Variants in SLC14A2 observed in about 807,000 individuals in gnomAD.
SLC14A2 encodes the protein urea transporter 2.
Under a neutral mutation model 104.6 loss-of-function variants are expected in SLC14A2, and 91 were observed. The ratio of observed to expected loss-of-function variants is 0.87; its 90% CI spans 0.73 to 1.04. The LOEUF is 1.04. SLC14A2 is among the 50% of genes least tolerant of loss of function. The probability of loss-of-function intolerance (pLI) is 0.00; values close to 1 mark genes in which losing one functional copy is unlikely to be tolerated. For missense variants in SLC14A2, 1,189 were observed against 1,156.0 expected (o/e 1.03, Z -0.41); for synonymous variants, 476 against 466.4 (o/e 1.02, Z -0.27).
chr18:45,628,225 C>G (rs1224526309), intron 4 of SLC14A2, among the ~76,000 whole-genome samples: 1 of 151,826 alleles, frequency 6.6e-6, no homozygotes, highest in Non-Finnish European at 1.5e-5. Context: ...GCGAGTGGAT[C>G]ACAAAGTCAA....
At position 45,673,013 on chromosome 18, in the gene SLC14A2, T is replaced by G; in HGVS notation, c.2343T>G (p.His781Gln). 6.2e-7 allele frequency: 1 copy of G among 1,614,186 alleles called. No homozygotes were observed. Among genetic ancestry groups the G allele is most frequent in the Non-Finnish European group, 8.5e-7 (1 of 1,180,010 alleles). The change falls in exon 17 of 20, where the codon CAT becomes CAG. Residue 781 changes from histidine (H) to glutamine (Q), a missense_variant. Coordinates refer to ENST00000255226, the MANE Select transcript of SLC14A2 (RefSeq NM_007163.4). ...LFISSPLICL[H>Q]AAIGSTMGML... Reference sequence around the variant, plus strand: ...TATCCTCACCTCTCATTTGCTTGCATGCAGCAATTGGATCCACCATGGGGA... The same window carrying G: ...TATCCTCACCTCTCATTTGCTTGCAGGCAGCAATTGGATCCACCATGGGGA...
In SLC14A2 at chr18:45,255,183, G is replaced by C. The variant is rs546548293; in HGVS notation, c.-125+41992G>C. Among the ~76,000 whole-genome samples the C allele has an allele frequency of 9.8e-4, 149 of 152,160 alleles. 1 individual carries two copies. Among genetic ancestry groups the C allele is most frequent in the African/African-American group, 3.3e-3 (138 of 41,496 alleles). On this transcript the variant is annotated intron_variant, in intron 1 of 20. Transcript: ENST00000586448. The stretch of plus-strand genomic sequence containing the variant: ...CTTTCTCTGCATCTTTTCCGGCTCT[G>C]CATTTATATCCACCCAGACTTTCTC...
the SLC14A2 span, among the ~76,000 whole-genome samples, chr18:45,177,171 C>T: frequency 1.3e-5 from 2 of 152,292 alleles, no homozygotes; most frequent in South Asian, 4.1e-4. Flanking sequence ...TCTCTCCATT[C>T]TGCCCACTTC....
intron 1 of SLC14A2, among the ~76,000 whole-genome samples, chr18:45,390,552 C>CA (rs1464010983): frequency 1.5e-4 from 23 of 151,856 alleles, no homozygotes; most frequent in Non-Finnish European, 2.8e-4. Context: ...AACAGAGACA[C>CA]AAAAATCTTA....
chr18:45,182,601 C>T, the SLC14A2 span, among the ~76,000 whole-genome samples: 3 of 151,926 alleles, frequency 2.0e-5, no homozygotes, highest in East Asian at 1.9e-4. Context: ...GATACATAGA[C>T]ATCAGAAGCT....
At chr18:45,551,201 A>AT (rs957337466) in intron 2 of SLC14A2, among the ~76,000 whole-genome samples, 17 of 152,022 alleles carry the variant, frequency 1.1e-4, no homozygotes, top group South Asian at 8.3e-4. Context: ...CCAAGACACT[A>AT]TTTTTTTTAA....
At chr18:45,456,596 C>T (rs1598847049) in intron 1 of SLC14A2, among the ~76,000 whole-genome samples, 1 of 152,322 alleles carries the variant, frequency 6.6e-6, no homozygotes, top group Admixed American at 6.5e-5. Flanking sequence ...AATGTGTTCT[C>T]ACACTGCAGC....
At chr18:45,289,839 G>C (rs1456635807) in intron 1 of SLC14A2, among the ~76,000 whole-genome samples, 2 of 152,196 alleles carry the variant, frequency 1.3e-5, no homozygotes, top group Non-Finnish European at 2.9e-5. Flanking sequence ...CACTTAAATG[G>C]TTACTGTCAA....
rs1255352743 is a variant in SLC14A2 at position 45,437,963 on chromosome 18, C to T, written c.-124-45270C>T. On this transcript the variant is annotated intron_variant, in intron 1 of 20. Coordinates refer to the SLC14A2 transcript ENST00000586448. ...TCTTGGGTTATAAATATACTTACCC[C>T]CTTGACTTCCTATTGCCCTTCTATC... Among the ~76,000 whole-genome samples the T allele has an allele frequency of 2.6e-5, 4 of 152,124 alleles. No homozygotes were observed. The South Asian group carries it at 8.3e-4, about 32-fold the overall frequency.
chr18:45,478,496 C>T (rs745815857), intron 1 of SLC14A2, among the ~76,000 whole-genome samples: 34 of 152,184 alleles, frequency 2.2e-4, no homozygotes, highest in Non-Finnish European at 4.9e-4. Flanking sequence ...GATGGTAACA[C>T]AATTTGGTAC....
chr18:45,201,674 CTTTG>C, the SLC14A2 span, among the ~76,000 whole-genome samples: 2 of 151,914 alleles, frequency 1.3e-5, no homozygotes, highest in Non-Finnish European at 2.9e-5. Context: ...TCCAAGGAGT[CTTTG>C]TTTGTTTTAG....
intron 1 of SLC14A2, among the ~76,000 whole-genome samples, chr18:45,373,618 G>C (rs74787075): frequency 2.0e-5 from 3 of 152,176 alleles, no homozygotes; most frequent in African/African-American, 4.8e-5. Context: ...AGATGCTCCT[G>C]TTTCTACATG....
At chr18:45,283,940 T>C (rs1236077392) in intron 1 of SLC14A2, among the ~76,000 whole-genome samples, 1 of 152,164 alleles carries the variant, frequency 6.6e-6, no homozygotes, top group Non-Finnish European at 1.5e-5. Context: ...ATGTACTGGA[T>C]TTGAAAGACT....
At chr18:45,397,950 T>C (rs2086054088) in intron 1 of SLC14A2, among the ~76,000 whole-genome samples, 1 of 152,006 alleles carries the variant, frequency 6.6e-6, no homozygotes, top group African/African-American at 2.4e-5. Context: ...AATAAATAAA[T>C]AAATAACGAA....
At chr18:45,443,334 TA>T (rs1439845066) in intron 1 of SLC14A2, among the ~76,000 whole-genome samples, 1 of 152,178 alleles carries the variant, frequency 6.6e-6, no homozygotes, top group Non-Finnish European at 1.5e-5. Context: ...TTCAGCAAAG[TA>T]AGGATAACTA....
chr18:45,559,578 G>A (rs1451396702), intron 2 of SLC14A2, among the ~76,000 whole-genome samples: 1 of 152,224 alleles, frequency 6.6e-6, no homozygotes, highest in East Asian at 1.9e-4. Flanking sequence ...TGGGAAATTA[G>A]GTGTCTCAGG....
intron 2 of SLC14A2, among the ~76,000 whole-genome samples, chr18:45,483,926 G>T (rs1294800580): frequency 6.6e-6 from 1 of 151,142 alleles, no homozygotes; most frequent in Non-Finnish European, 1.5e-5. Flanking sequence ...ATCAGTGGGG[G>T]AGGAGGGTAA....
chr18:45,669,460 A>G lies in SLC14A2; in HGVS notation c.2191A>G (p.Met731Val), dbSNP rs2144639293. The stretch of plus-strand genomic sequence containing the variant: ...AACGCTGCTGCAGCCTGCATCCGCC[A>G]TGCCCAACATCACCTGGTCAGAGGT... ...PTTLLQPASA[M>V]PNITWSEVQV... Residue 731 changes from methionine (M) to valine (V), a missense_variant, in exon 16 of 20, where the codon ATG becomes GTG. By Grantham distance (21) the Met-to-Val change is conservative (BLOSUM62 1). Coordinates refer to ENST00000255226, the MANE Select transcript of SLC14A2 (RefSeq NM_007163.4). 1.2e-6 allele frequency: 2 copies of G among 1,614,080 alleles called. No individual in the cohort carries two copies. Among genetic ancestry groups the G allele is most frequent in the East Asian group, 2.2e-5 (1 of 44,880 alleles).
chr18:45,269,301 G>A (rs182375869), intron 1 of SLC14A2, among the ~76,000 whole-genome samples: 104 of 152,148 alleles, frequency 6.8e-4, no homozygotes, highest in African/African-American at 2.5e-3. Flanking sequence ...GTGAGTATAT[G>A]CCATGTAGAA....
Sources: allele counts gnomAD v4.1 joint callset (sites outside exome capture counted in the v4.1 genomes callset), GRCh38; gene constraint gnomAD v4.1.1; transcripts MANE v1.5; gene names NCBI Gene and HGNC (gene_info 2026-07-23, HGNC 2026-07-21).